The following CACNA1C variants were observed in gnomAD, a reference collection of about 807,000 sequenced individuals.
The protein encoded by CACNA1C is calcium voltage-gated channel subunit alpha1 C.
In CACNA1C, 30 loss-of-function variants were observed where a neutral mutation model predicts 229.0. That is an observed-to-expected ratio of 0.13 (90% confidence interval 0.10 to 0.18). The LOEUF (loss-of-function observed/expected upper bound fraction) is 0.18. Among genes scored for constraint, CACNA1C ranks in the 10% least tolerant of loss-of-function variants. The pLI is 1.00. For synonymous variants in CACNA1C, 1,114 were observed against 1,132.5 expected (o/e 0.98, Z 0.33); for missense variants, 1,658 against 2,845.0 (o/e 0.58, Z 9.49).
chr12:2,094,777 G>T (rs1175546838), intron 1 of CACNA1C, among the ~76,000 whole-genome samples: 1 of 152,160 alleles, frequency 6.6e-6, no homozygotes, highest in Non-Finnish European at 1.5e-5. Context: ...TGCTTCAGGG[G>T]AAATGTTGGG....
chr12:1,975,308 T>G (rs1195283156), intron 1 of CACNA1C, among the ~76,000 whole-genome samples: 2 of 152,162 alleles, frequency 1.3e-5, no homozygotes, highest in African/African-American at 4.8e-5. Context: ...TGGCCAAAAT[T>G]GTTTTCCTTC....
chr12:2,434,057 G>A (rs2154559015), intron 3 of CACNA1C, among the ~76,000 whole-genome samples: 1 of 152,296 alleles, frequency 6.6e-6, no homozygotes, highest in East Asian at 1.9e-4. Context: ...CATGGCAAGG[G>A]CTCCAATGGT....
chr12:2,603,422 G>A (rs1008310606), intron 22 of CACNA1C: 4 of 152,198 alleles, frequency 2.6e-5, no homozygotes, highest in South Asian at 2.1e-4. Context: ...TGAAATCAGC[G>A]CTTGCTGGCC....
Position 2,034,594 on chromosome 12 carries a change from A to G in CACNA1C, c.139+63393A>G, listed in dbSNP as rs541786414. 2.3e-4 allele frequency among the ~76,000 whole-genome samples: 35 copies of G among 152,340 alleles called. No homozygotes were observed. Among genetic ancestry groups the G allele is most frequent in the Non-Finnish European group, 4.4e-4 (30 of 68,038 alleles). Reference sequence around the variant, plus strand: ...ACTCTAAAGTAAACTTCCCCAGCACACAGCTCAAAGAGAAGGCCAGTGTAA... The same window carrying G: ...ACTCTAAAGTAAACTTCCCCAGCACGCAGCTCAAAGAGAAGGCCAGTGTAA... On this transcript the variant is annotated intron_variant, in intron 1 of 46. Transcript: ENST00000682462. This position sits in a 1 kb window ranked among gnomAD's most constrained non-coding sequence, Gnocchi z 4.1.
chr12:2,103,467 T>G (rs1328168513), intron 1 of CACNA1C, among the ~76,000 whole-genome samples: 1 of 152,240 alleles, frequency 6.6e-6, no homozygotes, highest in East Asian at 1.9e-4. Flanking sequence ...TTGTAGATTC[T>G]GGATATTAGC....
chr12:2,568,443 A>G (rs757899297), intron 13 of CACNA1C, among the ~76,000 whole-genome samples: 8 of 152,234 alleles, frequency 5.3e-5, no homozygotes, highest in Non-Finnish European at 1.2e-4. Context: ...TTACCCTCTC[A>G]TCCATCAATT....
chr12:2,582,767 G>A, intron 14 of CACNA1C, 55 bp from the exon 15 acceptor site: 1 of 1,595,500 alleles, frequency 6.3e-7, no homozygotes, highest in Non-Finnish European at 8.6e-7. Context: ...GGGTGGTTTT[G>A]GGTTTGCTGT....
chr12:2,122,875 C>T (rs1242214292), intron 3 of CACNA1C, among the ~76,000 whole-genome samples: 2 of 152,224 alleles, frequency 1.3e-5, no homozygotes, highest in African/African-American at 2.4e-5. Flanking sequence ...TCATTACAAC[C>T]CGAGAGAACT....
intron 3 of CACNA1C, among the ~76,000 whole-genome samples, chr12:2,277,957 C>T (rs1438105952): frequency 6.6e-6 from 1 of 152,254 alleles, no homozygotes; most frequent in Non-Finnish European, 1.5e-5. Flanking sequence ...AGATGGGTTG[C>T]ATGGCACACC....
intron 18 of CACNA1C, among the ~76,000 whole-genome samples, chr12:2,588,074 C>G (rs980002780): frequency 6.6e-6 from 1 of 152,326 alleles, no homozygotes; most frequent in South Asian, 2.1e-4. Context: ...TCCTCCCTTC[C>G]CTGCCTCCAC....
rs2099707790 is a variant in CACNA1C, at chr12:2,489,074, A to G, written c.916+2812A>G. ...CTGAGTGTTTTGGAGAGTTTTATAT[A>G]AACTTTGGAATGGGTGGTTTAATTT... On this transcript the variant is annotated intron_variant, in intron 6 of 46. Coordinates refer to ENST00000399655, the MANE Select transcript of CACNA1C (RefSeq NM_000719.7). 4.6e-5 allele frequency among the ~76,000 whole-genome samples: 7 copies of G among 152,134 alleles called. No homozygotes were observed. In the South Asian group the frequency reaches 1.5e-3, roughly 32 times the overall value.
chr12:2,390,041 A>G (rs1281865399), intron 3 of CACNA1C, among the ~76,000 whole-genome samples: 2 of 152,238 alleles, frequency 1.3e-5, no homozygotes, highest in East Asian at 1.9e-4. Context: ...GAGTCGTTGC[A>G]CCTTACTACT....
chr12:2,074,703 C>A (rs2062559674), intron 1 of CACNA1C, among the ~76,000 whole-genome samples: 1 of 152,136 alleles, frequency 6.6e-6, no homozygotes, highest in Non-Finnish European at 1.5e-5. Context: ...GAATTAGACC[C>A]CCCTGCTTCG....
chr12:2,497,969 T>TCACACACACACACACA (rs3058710), intron 7 of CACNA1C, among the ~76,000 whole-genome samples: 3,060 of 143,944 alleles, frequency 0.021, 75 homozygotes, highest in African/African-American at 0.061. Flanking sequence ...TCTATTAAAT[T>TCACACACACACACACA]CACACACACA....
chr12:1,985,036 A>G (rs1387675441), intron 1 of CACNA1C, among the ~76,000 whole-genome samples: 1 of 139,712 alleles, frequency 7.2e-6, no homozygotes, highest in Non-Finnish European at 1.6e-5. Context: ...TTTCAAGATT[A>G]AAAAAAAAAA....
intron 3 of CACNA1C, among the ~76,000 whole-genome samples, chr12:2,352,324 C>A (rs938723806): frequency 6.6e-6 from 1 of 152,128 alleles, no homozygotes; most frequent in Non-Finnish European, 1.5e-5. Context: ...ATTGACAGGC[C>A]CTCTGAAAAT....
chr12:2,226,285 C>T (rs2063006131), intron 3 of CACNA1C, among the ~76,000 whole-genome samples: 1 of 152,058 alleles, frequency 6.6e-6, no homozygotes, highest in Non-Finnish European at 1.5e-5. Flanking sequence ...TCTCATTTGA[C>T]ATAAAAAGAC....
chr12:2,051,467 G>C (rs1215370939), upstream of CACNA1C, among the ~76,000 whole-genome samples: 1 of 152,224 alleles, frequency 6.6e-6, no homozygotes, highest in African/African-American at 2.4e-5. Context: ...TTTTAAATGG[G>C]TTACTCCGAC....
chr12:2,243,308 G>A (rs146102164), intron 3 of CACNA1C, among the ~76,000 whole-genome samples: 19 of 152,180 alleles, frequency 1.2e-4, no homozygotes, highest in Non-Finnish European at 2.6e-4. Flanking sequence ...GAATCATTTG[G>A]TAAGTAATTG....
Sources: allele counts gnomAD v4.1 joint callset (sites outside exome capture counted in the v4.1 genomes callset), GRCh38; gene constraint gnomAD v4.1.1; non-coding constraint Gnocchi (gnomAD v3.1); transcripts MANE v1.5; gene names NCBI Gene and HGNC (gene_info 2026-07-23, HGNC 2026-07-21).